The following DNAH12 variants were observed in gnomAD, a reference collection of about 807,000 sequenced individuals.
The protein encoded by DNAH12 is dynein axonemal heavy chain 12.
A neutral mutation model predicts 371.5 loss-of-function variants in DNAH12; 285 were observed. The observed-to-expected ratio is 0.77, with a 90% confidence interval of 0.70 to 0.85. DNAH12 has a LOEUF of 0.85. DNAH12 is among the 40% of genes least tolerant of loss of function. The pLI is 0.00. For missense variants in DNAH12, 3,611 were observed against 3,689.4 expected (o/e 0.98, Z 0.55); for synonymous variants, 1,200 against 1,213.0 (o/e 0.99, Z 0.22).
chr3:57,402,210 G>A (rs1553679060), intron 43 of DNAH12, among the ~76,000 whole-genome samples: 2 of 152,146 alleles, frequency 1.3e-5, no homozygotes, highest in African/African-American at 4.8e-5. Context: ...TTTCCGCCTA[G>A]AAGTAGCAAA....
intron 60 of DNAH12, among the ~76,000 whole-genome samples, chr3:57,351,034 G>T (rs569420450): frequency 9.2e-4 from 139 of 151,738 alleles, no homozygotes; most frequent in Non-Finnish European, 1.5e-3. Flanking sequence ...ACTTTGGGAG[G>T]TCGAGGCAGG....
intron 65 of DNAH12, among the ~76,000 whole-genome samples, chr3:57,316,120 AT>A (rs1559547249): frequency 6.8e-6 from 1 of 146,278 alleles, no homozygotes; most frequent in Non-Finnish European, 1.5e-5. Flanking sequence ...TTCTTAAAAA[AT>A]AACCCCTTCC....
chr3:57,391,459 A>G (rs2063621542), intron 45 of DNAH12, among the ~76,000 whole-genome samples: 1 of 152,212 alleles, frequency 6.6e-6, no homozygotes, highest in Non-Finnish European at 1.5e-5. Flanking sequence ...TGCCAACTGC[A>G]GATCTTGGGA....
chr3:57,502,552 T>TTCC (rs2067590643), intron 9 of DNAH12, 73 bp from the exon 10 acceptor site: 1 of 1,415,778 alleles, frequency 7.1e-7, no homozygotes, highest in Non-Finnish European at 9.6e-7. Context: ...ATGTAGATCT[T>TTCC]TTTTTTTTTC....
Position 57,309,180 on chromosome 3 carries a change from C to G in DNAH12, c.11160G>C (p.Val3720=). 1 of 1,549,230 alleles carries G rather than the reference C, an allele frequency of 6.5e-7. No homozygotes were observed. ...PVRYEESMNT[V]LVQEMERFNN... ...TAAATCTTTCCATTTCTTGTACTAA[C>G]ACAGTATTCATGCTTTCTTCATATC... The change falls in exon 69 of 74, where the codon GTG becomes GTC. Residue 3720 remains valine, a synonymous_variant. Transcript: ENST00000495027.
In DNAH12 at chr3:57,323,099, T is replaced by A; in HGVS notation, c.10291A>T (p.Met3431Leu). 6.4e-7 allele frequency: 1 copy of A among 1,552,438 alleles called. No individual in the cohort carries two copies. The highest frequency in any genetic ancestry group is 8.7e-7 in the Non-Finnish European group (1 of 1,147,156). Residue 3431 changes from methionine to leucine, a missense_variant, in exon 64 of 74, where the codon ATG becomes TTG. By Grantham distance (15) the Met-to-Leu change is conservative (BLOSUM62 2). This residue lies in a region of DNAH12 where 2,266 missense variants were observed against 2,236.9 expected (regional missense o/e 1.01). Coordinates refer to ENST00000495027, the MANE Select transcript of DNAH12 (RefSeq NM_001366028.2). ...TCACATATTTTTTCCAACATGGGCA[T>A]CCAGGACACTGCAAGATGGCAATTC... is the stretch of plus-strand genomic sequence containing the variant. Reference protein sequence around the residue: ...LQNCHLAVSWMPMLEKICEDF... With the variant: ...LQNCHLAVSWLPMLEKICEDF...
the DNAH12 span, among the ~76,000 whole-genome samples, chr3:57,554,143 C>T: frequency 1.4e-5 from 2 of 138,916 alleles, 1 homozygote; most frequent in African/African-American, 6.2e-5. Flanking sequence ...AAAAATTAGC[C>T]AGACATGGCA....
At chr3:57,448,825 T>A (rs548125597) in intron 25 of DNAH12, among the ~76,000 whole-genome samples, 4 of 150,070 alleles carry the variant, frequency 2.7e-5, no homozygotes, top group East Asian at 2.0e-4. Flanking sequence ...CCCACCAGAG[T>A]AGCTAGATAC....
intron 1 of DNAH12, among the ~76,000 whole-genome samples, chr3:57,543,386 G>A (rs988532769): frequency 1.5e-5 from 2 of 134,948 alleles, no homozygotes; most frequent in Non-Finnish European, 3.1e-5. Flanking sequence ...GCAATGGCGC[G>A]ATCTTGGCTC....
chr3:57,490,098 C>T (rs1414121544), intron 11 of DNAH12, among the ~76,000 whole-genome samples: 1 of 152,070 alleles, frequency 6.6e-6, no homozygotes, highest in Non-Finnish European at 1.5e-5. Flanking sequence ...TTTCACTTTA[C>T]GTCCACATGG....
chr3:57,552,223 C>T, the DNAH12 span, among the ~76,000 whole-genome samples: 142 of 141,438 alleles, frequency 1.0e-3, no homozygotes, highest in Admixed American at 3.3e-3. Context: ...CCAGCCTGGG[C>T]GACAGAGCAA....
chr3:57,496,917 C>T (rs976455559), intron 11 of DNAH12, among the ~76,000 whole-genome samples: 1 of 151,642 alleles, frequency 6.6e-6, no homozygotes, highest in Non-Finnish European at 1.5e-5. Context: ...TGCGGTGAGC[C>T]GAGATCTTGC....
chr3:57,548,892 C>T (rs1388846386), upstream of DNAH12: 2 of 152,138 alleles, frequency 1.3e-5, no homozygotes, highest in Non-Finnish European at 2.9e-5. Context: ...GAAAAGATTA[C>T]CATGGTGCCT....
At chr3:57,551,649 G>A in the DNAH12 span, among the ~76,000 whole-genome samples, 13 of 152,040 alleles carry the variant, frequency 8.6e-5, no homozygotes, top group African/African-American at 1.2e-4. Flanking sequence ...CTAATTTCTA[G>A]TGACAACCCA....
At chr3:57,400,269 G>A (rs2063830100) in intron 43 of DNAH12, among the ~76,000 whole-genome samples, 1 of 152,100 alleles carries the variant, frequency 6.6e-6, no homozygotes, top group African/African-American at 2.4e-5. Flanking sequence ...GCCTGGGGCA[G>A]AGCGAGACTC....
At chr3:57,552,189 G>A in the DNAH12 span, among the ~76,000 whole-genome samples, 11 of 150,062 alleles carry the variant, frequency 7.3e-5, no homozygotes, top group Non-Finnish European at 8.9e-5. Context: ...AGCTTGCAGT[G>A]AGCCGAGATC....
At chr3:57,500,519 C>CT (rs980784330) in intron 11 of DNAH12, among the ~76,000 whole-genome samples, 10 of 152,252 alleles carry the variant, frequency 6.6e-5, no homozygotes, top group Non-Finnish European at 1.3e-4. Context: ...GTTCCCTATT[C>CT]TTTAACTATT....
At chr3:57,483,266 A>G in intron 13 of DNAH12, 110 bp downstream of exon 13, 1 of 1,341,274 alleles carries the variant, frequency 7.5e-7, no homozygotes, top group Non-Finnish European at 1.0e-6. Context: ...TGGCAATATA[A>G]CCGCTCAATT....
intron 39 of DNAH12, among the ~76,000 whole-genome samples, chr3:57,412,798 G>A (rs1454377795): frequency 6.6e-6 from 1 of 152,196 alleles, no homozygotes; most frequent in African/African-American, 2.4e-5. Context: ...AAATGCCAGA[G>A]AAGACGTGGA....
Sources: allele counts gnomAD v4.1 joint callset (sites outside exome capture counted in the v4.1 genomes callset), GRCh38; gene constraint gnomAD v4.1.1; regional missense constraint gnomAD v4.1.1; transcripts MANE v1.5; gene names NCBI Gene and HGNC (gene_info 2026-07-23, HGNC 2026-07-21).